The following GALNTL6 variants were observed in gnomAD, a reference collection of about 807,000 sequenced individuals.
GALNTL6 encodes the protein polypeptide N-acetylgalactosaminyltransferase-like 6.
Under a neutral mutation model 73.7 loss-of-function variants are expected in GALNTL6, and 46 were observed. The observed-to-expected ratio is 0.62, with a 90% confidence interval of 0.49 to 0.80. GALNTL6 has a LOEUF of 0.80. GALNTL6 is among the 30% of genes least tolerant of loss of function. The probability of loss-of-function intolerance (pLI) is 0.00; values close to 1 mark genes in which losing one functional copy is unlikely to be tolerated. For synonymous variants in GALNTL6, 259 were observed against 263.7 expected (o/e 0.98, Z 0.17); for missense variants, 604 against 755.0 (o/e 0.80, Z 2.34).
chr4:172,198,408 T>G (rs971131946), intron 2 of GALNTL6, among the ~76,000 whole-genome samples: 16 of 150,076 alleles, frequency 1.1e-4, no homozygotes, highest in African/African-American at 3.9e-4. Context: ...ATTAAACAAA[T>G]TTACAAGAAA....
At chr4:172,450,454 C>T (rs1467368732) in intron 5 of GALNTL6, among the ~76,000 whole-genome samples, 1 of 152,220 alleles carries the variant, frequency 6.6e-6, no homozygotes. Flanking sequence ...TTTCACTGAA[C>T]TGCTGTAACA....
chr4:172,242,368 A>G (rs1737467255), intron 3 of GALNTL6, among the ~76,000 whole-genome samples: 2 of 152,080 alleles, frequency 1.3e-5, no homozygotes, highest in African/African-American at 2.4e-5. Flanking sequence ...TGAAATCATT[A>G]TATCACTGAT....
chr4:172,244,726 C>A (rs1306226065), intron 3 of GALNTL6, among the ~76,000 whole-genome samples: 1 of 152,086 alleles, frequency 6.6e-6, no homozygotes, highest in Non-Finnish European at 1.5e-5. Flanking sequence ...CAAATCTATT[C>A]AATGGATACA....
intron 2 of GALNTL6, among the ~76,000 whole-genome samples, chr4:172,030,185 A>T (rs567707460): frequency 2.0e-5 from 3 of 152,276 alleles, no homozygotes; most frequent in African/African-American, 7.2e-5. Context: ...AAACCAAATT[A>T]TTTGAGCCAT....
At chr4:171,982,320 C>T (rs528057789) in intron 2 of GALNTL6, among the ~76,000 whole-genome samples, 2 of 152,030 alleles carry the variant, frequency 1.3e-5, no homozygotes, top group Admixed American at 6.6e-5. Flanking sequence ...GTTTTTGATA[C>T]GGAGTCTCGC....
intron 3 of GALNTL6, among the ~76,000 whole-genome samples, chr4:172,232,500 G>A (rs918833612): frequency 3.3e-5 from 5 of 151,894 alleles, no homozygotes; most frequent in African/African-American, 1.2e-4. Context: ...GCTGCTATAA[G>A]TATTCTTGTG....
chr4:172,457,277 A>C (rs542401714), intron 5 of GALNTL6, among the ~76,000 whole-genome samples: 1 of 152,148 alleles, frequency 6.6e-6, no homozygotes, highest in Non-Finnish European at 1.5e-5. Flanking sequence ...TGTAAAGACC[A>C]TTGACACCAT....
At chr4:171,904,767 G>A (rs1370154588) in intron 2 of GALNTL6, among the ~76,000 whole-genome samples, 1 of 152,274 alleles carries the variant, frequency 6.6e-6, no homozygotes, top group East Asian at 1.9e-4. Flanking sequence ...ACCCTCAAAG[G>A]GAAGCCCATC....
At chr4:172,237,765 T>C (rs972374500) in intron 3 of GALNTL6, among the ~76,000 whole-genome samples, 1 of 152,174 alleles carries the variant, frequency 6.6e-6, no homozygotes, top group African/African-American at 2.4e-5. Context: ...GATTTTTTTA[T>C]ATTATGTAAG....
intron 7 of GALNTL6, among the ~76,000 whole-genome samples, chr4:172,823,608 AT>A (rs1742063316): frequency 6.6e-6 from 1 of 152,198 alleles, no homozygotes; most frequent in South Asian, 2.1e-4. Flanking sequence ...ACTGAGCACA[AT>A]TATCTGTAGG....
intron 7 of GALNTL6, among the ~76,000 whole-genome samples, chr4:172,871,734 G>A (rs1220085666): frequency 6.7e-6 from 1 of 150,364 alleles, no homozygotes; most frequent in Non-Finnish European, 1.5e-5. Flanking sequence ...TCAGTTTGGA[G>A]ATACTGGTAA....
At chr4:171,894,860 T>A (rs1287207039) in intron 2 of GALNTL6, among the ~76,000 whole-genome samples, 1 of 151,762 alleles carries the variant, frequency 6.6e-6, no homozygotes. Flanking sequence ...TTCATGGAAA[T>A]TCAAGGATAA....
At chr4:172,481,535 T>C (rs1252480662) in intron 5 of GALNTL6, among the ~76,000 whole-genome samples, 1 of 152,024 alleles carries the variant, frequency 6.6e-6, no homozygotes, top group Non-Finnish European at 1.5e-5. Flanking sequence ...TACAGAGAGC[T>C]GATTGGTTCG....
intron 12 of GALNTL6, among the ~76,000 whole-genome samples, chr4:173,023,893 T>A (rs1278194163): frequency 6.6e-6 from 1 of 152,194 alleles, no homozygotes; most frequent in Admixed American, 6.5e-5. Flanking sequence ...AGGTTTTTTT[T>A]AATGATTATA....
chr4:172,568,600 C>CA (rs1046807620), intron 5 of GALNTL6, among the ~76,000 whole-genome samples: 14 of 150,410 alleles, frequency 9.3e-5, no homozygotes, highest in Admixed American at 2.0e-4. Flanking sequence ...ACTAAAAATA[C>CA]AAAAAAAATT....
intron 3 of GALNTL6, among the ~76,000 whole-genome samples, chr4:172,292,489 T>C (rs1031997056): frequency 1.3e-5 from 2 of 152,128 alleles, no homozygotes; most frequent in South Asian, 2.1e-4. Flanking sequence ...TCTTCAGTTG[T>C]AGTTATAGAA....
chr4:172,228,701 G>A lies in GALNTL6; in HGVS notation c.139-955G>A, dbSNP rs77500389. Among the ~76,000 whole-genome samples the A allele has an allele frequency of 9.0e-3, 1,360 of 151,670 alleles. 16 individuals are homozygous for A. Among genetic ancestry groups the A allele is most frequent in the Non-Finnish European group, 0.015 (1,017 of 67,818 alleles). Reference sequence around the variant, plus strand: ...GGATGTATTACTTATTTCTGAAAAAGAACAAAAGAAAAAATAGCATGTGAA... The same window carrying A: ...GGATGTATTACTTATTTCTGAAAAAAAACAAAAGAAAAAATAGCATGTGAA... On this transcript the variant is annotated intron_variant, in intron 2 of 12. Coordinates refer to ENST00000506823, the MANE Select transcript of GALNTL6 (RefSeq NM_001034845.3).
chr4:172,401,125 A>G (rs1744020109), intron 5 of GALNTL6, among the ~76,000 whole-genome samples: 1 of 152,078 alleles, frequency 6.6e-6, no homozygotes, highest in African/African-American at 2.4e-5. Flanking sequence ...TTCCTTGTTA[A>G]CTTTAATGTC....
At chr4:172,395,127 A>C (rs1355916276) in intron 5 of GALNTL6, among the ~76,000 whole-genome samples, 1 of 152,200 alleles carries the variant, frequency 6.6e-6, no homozygotes, top group Non-Finnish European at 1.5e-5. Flanking sequence ...AGCATTCTAT[A>C]TTTATGAATC....
Sources: allele counts gnomAD v4.1 joint callset (sites outside exome capture counted in the v4.1 genomes callset), GRCh38; gene constraint gnomAD v4.1.1; transcripts MANE v1.5; gene names NCBI Gene and HGNC (gene_info 2026-07-23, HGNC 2026-07-21).